SYN3: variants seen among roughly 807,000 people sequenced by gnomAD.
The protein encoded by SYN3 is synapsin III, also known as synapsin-3.
SYN3 carries 35 observed loss-of-function variants against 65.8 expected under a neutral mutation model. That is an observed-to-expected ratio of 0.53 (90% CI 0.41 to 0.70). The LOEUF is 0.70. Among genes scored for constraint, SYN3 ranks in the 30% least tolerant of loss-of-function variants. SYN3 has a pLI of 0.00. For missense variants in SYN3, 680 were observed against 749.0 expected (o/e 0.91, Z 1.08); for synonymous variants, 270 against 292.9 (o/e 0.92, Z 0.80).
intron 1 of SYN3, among the ~76,000 whole-genome samples, chr22:33,018,665 G>A (rs2053511719): frequency 2.0e-5 from 3 of 152,182 alleles, no homozygotes; most frequent in Non-Finnish European, 2.9e-5. Context: ...GCCCCACAGC[G>A]GCAACAGCTA....
chr22:32,864,689 T>C (rs964250075), intron 6 of SYN3: 1 of 399,366 alleles, frequency 2.5e-6, no homozygotes, highest in Non-Finnish European at 4.6e-6. Flanking sequence ...TTCCAAGGAA[T>C]GTGGTTCACC....
At chr22:32,637,183 G>C (rs1478981969) in intron 6 of SYN3, among the ~76,000 whole-genome samples, 1 of 152,220 alleles carries the variant, frequency 6.6e-6, no homozygotes, top group Non-Finnish European at 1.5e-5. Flanking sequence ...GTGAAGTGTT[G>C]TAATAGAGAA....
At chr22:33,000,891 T>A (rs2053041164) in intron 2 of SYN3, among the ~76,000 whole-genome samples, 1 of 152,102 alleles carries the variant, frequency 6.6e-6, no homozygotes, top group Non-Finnish European at 1.5e-5. Context: ...TGCTGGCCGC[T>A]CCTGGTGGCA....
chr22:32,736,102 G>C (rs1192624193), intron 6 of SYN3, among the ~76,000 whole-genome samples: 1 of 152,172 alleles, frequency 6.6e-6, no homozygotes, highest in East Asian at 1.9e-4. Context: ...GACTTTACTG[G>C]AGTATAATTT....
chr22:32,981,374 T>G lies in SYN3; in HGVS notation c.312-672A>C, dbSNP rs964082500. On this transcript the variant is annotated intron_variant, in intron 2 of 13. Coordinates refer to ENST00000358763, the MANE Select transcript of SYN3 (RefSeq NM_003490.4). Reference sequence around the variant, plus strand: ...GCCGAGGCAGGTGGATTGCCTGAGGTGAGGAGTTCGAGACCAGTCTGACCA... The same window carrying G: ...GCCGAGGCAGGTGGATTGCCTGAGGGGAGGAGTTCGAGACCAGTCTGACCA... Among the ~76,000 whole-genome samples, 140 of 151,316 alleles carry G rather than the reference T, an allele frequency of 9.3e-4. 1 individual carries two copies. Among genetic ancestry groups the G allele is most frequent in the African/African-American group, 3.3e-3 (135 of 41,328 alleles).
chr22:32,994,066 C>T (rs776932213), intron 2 of SYN3, among the ~76,000 whole-genome samples: 24 of 152,164 alleles, frequency 1.6e-4, no homozygotes, highest in Admixed American at 5.9e-4. Context: ...GCAGCAGGGG[C>T]ACCGGGCCGC....
intron 1 of SYN3, among the ~76,000 whole-genome samples, chr22:33,036,111 G>A (rs1030208493): frequency 2.6e-5 from 4 of 152,026 alleles, no homozygotes; most frequent in Non-Finnish European, 4.4e-5. Flanking sequence ...TTGCCTTACC[G>A]CCTACCTGCC....
chr22:32,552,984 T>C (rs1799988939), intron 7 of SYN3, among the ~76,000 whole-genome samples: 2 of 152,260 alleles, frequency 1.3e-5, no homozygotes, highest in Admixed American at 6.5e-5. Context: ...GGTCAGGTTC[T>C]GGTGAGGCGC....
chr22:32,944,670 C>A (rs2146781924), intron 3 of SYN3, among the ~76,000 whole-genome samples: 2 of 152,320 alleles, frequency 1.3e-5, no homozygotes, highest in Middle Eastern at 6.8e-3. Flanking sequence ...TCCTATTCAA[C>A]ACAGTGTTGG....
intron 6 of SYN3, among the ~76,000 whole-genome samples, chr22:32,763,938 C>T (rs1371281718): frequency 6.7e-6 from 1 of 149,160 alleles, no homozygotes; most frequent in Non-Finnish European, 1.5e-5. Flanking sequence ...TAGAAGCCCC[C>T]CCCCCCTTTT....
At chr22:32,786,683 C>T (rs921688316) in intron 6 of SYN3, among the ~76,000 whole-genome samples, 1 of 152,020 alleles carries the variant, frequency 6.6e-6, no homozygotes, top group Non-Finnish European at 1.5e-5. Context: ...TCTTAAACAA[C>T]CTAAAGGAGG....
intron 1 of SYN3, among the ~76,000 whole-genome samples, chr22:33,027,793 T>C (rs1233058948): frequency 2.6e-5 from 4 of 152,176 alleles, no homozygotes; most frequent in Admixed American, 2.6e-4. Context: ...ACTTCACACA[T>C]TGTTGTGCCG....
chr22:33,041,155 G>C (rs2053957870), intron 1 of SYN3, among the ~76,000 whole-genome samples: 1 of 152,074 alleles, frequency 6.6e-6, no homozygotes, highest in Non-Finnish European at 1.5e-5. Flanking sequence ...CTGACCTCAT[G>C]GTCTGCCTGC....
chr22:33,056,294 C>G (rs1324652922), intron 1 of SYN3, among the ~76,000 whole-genome samples: 1 of 152,190 alleles, frequency 6.6e-6, no homozygotes, highest in Non-Finnish European at 1.5e-5. Context: ...TTTAAGATAT[C>G]TACTATGCAC....
At chr22:33,023,410 T>C (rs1601921713) in intron 1 of SYN3, among the ~76,000 whole-genome samples, 1 of 152,340 alleles carries the variant, frequency 6.6e-6, no homozygotes, top group East Asian at 1.9e-4. Flanking sequence ...CCTTTGCTCT[T>C]CCTTGACCTT....
intron 2 of SYN3, among the ~76,000 whole-genome samples, chr22:32,987,336 T>C (rs1044749942): frequency 5.3e-5 from 8 of 152,180 alleles, no homozygotes; most frequent in African/African-American, 1.9e-4. Context: ...ACTTTGCCAG[T>C]TAGCAAGAGA....
intron 4 of SYN3, among the ~76,000 whole-genome samples, chr22:32,870,917 C>T (rs1601591179): frequency 2.0e-5 from 3 of 152,288 alleles, no homozygotes; most frequent in South Asian, 4.2e-4. Flanking sequence ...TGCCCTTTAT[C>T]CATCATGTGT....
At chr22:32,792,010 G>A (rs2046333888) in intron 6 of SYN3, among the ~76,000 whole-genome samples, 1 of 152,108 alleles carries the variant, frequency 6.6e-6, no homozygotes. Context: ...GAGGGCAGGG[G>A]CTGTTCTCAT....
chr22:32,668,557 CCTT>C (rs1190984635), intron 6 of SYN3, among the ~76,000 whole-genome samples: 3 of 152,034 alleles, frequency 2.0e-5, no homozygotes, highest in Non-Finnish European at 4.4e-5. Flanking sequence ...CCTTCCTCCT[CCTT>C]CCTCCACTCC....
Sources: allele counts gnomAD v4.1 joint callset (sites outside exome capture counted in the v4.1 genomes callset), GRCh38; gene constraint gnomAD v4.1.1; transcripts MANE v1.5; gene names NCBI Gene and HGNC (gene_info 2026-07-23, HGNC 2026-07-21).